EPM2A: variants seen among roughly 807,000 people sequenced by gnomAD.
EPM2A encodes the protein laforin.
EPM2A carries 21 observed loss-of-function variants against 26.5 expected under a neutral mutation model. The ratio of observed to expected loss-of-function variants is 0.79; its 90% CI spans 0.56 to 1.14. The LOEUF (loss-of-function observed/expected upper bound fraction) is 1.14. EPM2A is among the 50% of genes most tolerant of loss of function. The pLI is 0.00. For missense variants in EPM2A, 458 were observed against 440.8 expected (o/e 1.04, Z -0.35); for synonymous variants, 217 against 177.6 (o/e 1.22, Z -1.76).
At chr6:145,450,508 G>A (rs1779183873) in intron 4 of EPM2A, among the ~76,000 whole-genome samples, 3 of 152,108 alleles carry the variant, frequency 2.0e-5, no homozygotes, top group Non-Finnish European at 4.4e-5. Flanking sequence ...GCACATACAA[G>A]AATGATCACA....
intron 3 of EPM2A, chr6:145,630,442 A>G (rs1350300016): frequency 6.6e-6 from 1 of 151,622 alleles, no homozygotes; most frequent in Non-Finnish European, 1.5e-5. Context: ...GTAAAACCTC[A>G]TTTCTACTAA....
intron 2 of EPM2A, among the ~76,000 whole-genome samples, chr6:145,505,010 C>G (rs1476750035): frequency 8.4e-6 from 1 of 119,358 alleles, no homozygotes; most frequent in Non-Finnish European, 1.7e-5. Flanking sequence ...AAACCAAACA[C>G]CGCATATTCT....
At chr6:145,453,751 A>G (rs564764915) in intron 4 of EPM2A, among the ~76,000 whole-genome samples, 228 of 152,290 alleles carry the variant, frequency 1.5e-3, no homozygotes, top group African/African-American at 5.1e-3. Flanking sequence ...ATTATTACCT[A>G]AAGACCCAGA....
At chr6:145,721,577 A>G (rs1189851824) in intron 1 of EPM2A, 1 of 152,220 alleles carries the variant, frequency 6.6e-6, no homozygotes, top group African/African-American at 2.4e-5. Flanking sequence ...AAAAGGTACA[A>G]TCTCCTAAGA....
chr6:145,572,444 T>C (rs371070021), intron 2 of EPM2A, among the ~76,000 whole-genome samples: 1 of 152,130 alleles, frequency 6.6e-6, no homozygotes, highest in Non-Finnish European at 1.5e-5. Context: ...CCACTTCCAT[T>C]TGATGATGGA....
rs559221380 is a variant in EPM2A at position 145,626,026 on chromosome 6, T to A, written c.*1390A>T. 8.7e-7 allele frequency: 1 copy of A among 1,149,416 alleles called. No homozygotes were observed. Among genetic ancestry groups the A allele is most frequent in the South Asian group, 2.5e-5 (1 of 39,938 alleles). 71.2% of individuals were successfully genotyped at this position (1,149,416 alleles called of 1,614,324 possible). A position where few individuals can be genotyped will look rare whatever the true frequency, so the allele number is the denominator to read the frequency against. ...AACCCTTCTGACCTTAGTTTCCCCA[T>A]CTTTATCATGGAGATAATGAGACCT... On this transcript the variant is annotated 3_prime_UTR_variant, in exon 4 of 4. Coordinates refer to ENST00000367519, the MANE Select transcript of EPM2A (RefSeq NM_005670.4).
intron 4 of EPM2A, among the ~76,000 whole-genome samples, chr6:145,430,076 C>T (rs957406848): frequency 1.1e-4 from 16 of 151,714 alleles, no homozygotes; most frequent in Admixed American, 7.9e-4. Flanking sequence ...CCTGTAATCC[C>T]AGCTACTCGG....
intron 2 of EPM2A, among the ~76,000 whole-genome samples, chr6:145,655,021 C>A (rs1232292178): frequency 6.6e-6 from 1 of 151,960 alleles, no homozygotes; most frequent in African/African-American, 2.4e-5. Context: ...TTTTCACACC[C>A]CAAAAATGCA....
chr6:145,735,313 C>A lies in EPM2A; in HGVS notation c.186G>T (p.Gly62=). 2 of 1,466,832 alleles carry A rather than the reference C, an allele frequency of 1.4e-6. No homozygotes were observed. The highest frequency in any genetic ancestry group is 9.0e-7 in the Non-Finnish European group (1 of 1,106,910). The allele number at this position is 1,466,832 out of a possible 1,614,324, so 90.9% of individuals were successfully genotyped here. ...LALQEPGLWL[G]EVELAAEEAA... is the part of the protein sequence containing the mutation. ...CCTCCTCGGCCGCCAGCTCCACCTC[C>A]CCGAGCCACAGGCCCGGCTCCTGCA... Residue 62 remains glycine, a synonymous_variant, in exon 1 of 4, where the codon GGG becomes GGT. Coordinates refer to ENST00000367519, the MANE Select transcript of EPM2A (RefSeq NM_005670.4).
intron 1 of EPM2A, among the ~76,000 whole-genome samples, chr6:145,714,018 T>C (rs1775477960): frequency 6.6e-6 from 1 of 152,182 alleles, no homozygotes; most frequent in South Asian, 2.1e-4. Flanking sequence ...CTATGAAATA[T>C]CCAGAACAGG....
intron 4 of EPM2A, among the ~76,000 whole-genome samples, chr6:145,385,250 C>G (rs1778243528): frequency 6.8e-6 from 1 of 147,180 alleles, no homozygotes; most frequent in Non-Finnish European, 1.5e-5. Context: ...ATGAAGAGAT[C>G]CTTGCCTTCA....
intron 3 of EPM2A, chr6:145,628,468 C>G (rs770489271): frequency 6.6e-6 from 1 of 152,304 alleles, no homozygotes; most frequent in Non-Finnish European, 1.5e-5. Context: ...AAGCGCCCCA[C>G]AGTCACTTCC....
intron 4 of EPM2A, among the ~76,000 whole-genome samples, chr6:145,408,790 G>C (rs1487354925): frequency 6.6e-6 from 1 of 152,094 alleles, no homozygotes; most frequent in African/African-American, 2.4e-5. Flanking sequence ...CAAGATCAAG[G>C]CACCAGCATA....
chr6:145,428,869 T>C (rs937471707), intron 4 of EPM2A, among the ~76,000 whole-genome samples: 3 of 152,234 alleles, frequency 2.0e-5, no homozygotes, highest in Non-Finnish European at 4.4e-5. Context: ...TTGGCACTTA[T>C]CATTAACCCA....
downstream of EPM2A, among the ~76,000 whole-genome samples, chr6:145,620,638 A>G (rs778414626): frequency 3.3e-5 from 5 of 152,250 alleles, no homozygotes; most frequent in African/African-American, 1.2e-4. Flanking sequence ...AGAAATTGAT[A>G]AAGTCTTGAT....
At chr6:145,621,526 T>A (rs924261378), downstream of EPM2A, among the ~76,000 whole-genome samples, 15 of 152,180 alleles carry the variant, frequency 9.9e-5, no homozygotes, top group African/African-American at 3.1e-4. Flanking sequence ...TTGTTTTCCA[T>A]AACGGCTGTA....
intron 2 of EPM2A, among the ~76,000 whole-genome samples, chr6:145,550,635 T>A (rs2114803657): frequency 6.6e-6 from 1 of 152,184 alleles, no homozygotes; most frequent in South Asian, 2.1e-4. Flanking sequence ...ACGAAGATTT[T>A]CTTCTGCTAT....
chr6:145,426,604 A>T (rs1314183613), intron 4 of EPM2A, among the ~76,000 whole-genome samples: 1 of 152,242 alleles, frequency 6.6e-6, no homozygotes, highest in African/African-American at 2.4e-5. Context: ...ACATACCTGT[A>T]TACAGAGATT....
intron 4 of EPM2A, among the ~76,000 whole-genome samples, chr6:145,398,386 T>C (rs1270501438): frequency 3.6e-5 from 3 of 82,692 alleles, no homozygotes; most frequent in Non-Finnish European, 9.7e-5. Context: ...TGTTTGTCTC[T>C]TTTTTTTTCT....
Sources: allele counts gnomAD v4.1 joint callset (sites outside exome capture counted in the v4.1 genomes callset), GRCh38; gene constraint gnomAD v4.1.1; transcripts MANE v1.5; gene names NCBI Gene and HGNC (gene_info 2026-07-23, HGNC 2026-07-21).